Variants in KCNIP4 observed in about 807,000 individuals in gnomAD.
KCNIP4 encodes potassium voltage-gated channel interacting protein 4.
KCNIP4 carries 12 observed loss-of-function variants against 34.0 expected under a neutral mutation model. That is an observed-to-expected ratio of 0.35 (90% CI 0.23 to 0.57). The LOEUF (loss-of-function observed/expected upper bound fraction) is 0.57, where lower values mean the gene tolerates loss of function less well. Among genes scored for constraint, KCNIP4 ranks in the 20% least tolerant of loss-of-function variants. The pLI is 0.83. For missense variants in KCNIP4, 238 were observed against 311.7 expected (o/e 0.76, Z 1.78); for synonymous variants, 124 against 102.2 (o/e 1.21, Z -1.29).
chr4:21,396,117 A>G (rs34873725), intron 1 of KCNIP4, among the ~76,000 whole-genome samples: 30,324 of 149,716 alleles, frequency 0.2, 3,588 homozygotes, highest in Middle Eastern at 0.3. Context: ...TATAGTCTAT[A>G]TATACATATA....
At chr4:21,130,969 A>G (rs1751023209) in intron 1 of KCNIP4, among the ~76,000 whole-genome samples, 1 of 152,204 alleles carries the variant, frequency 6.6e-6, no homozygotes, top group Non-Finnish European at 1.5e-5. Context: ...AAGCCATTGT[A>G]AGTCCAGATG....
chr4:20,963,376 A>T (rs977678872), intron 1 of KCNIP4, among the ~76,000 whole-genome samples: 2 of 152,080 alleles, frequency 1.3e-5, no homozygotes, highest in Admixed American at 1.3e-4. Flanking sequence ...ATAATAAAAT[A>T]ACACACTATT....
chr4:21,370,884 T>C lies in KCNIP4; in HGVS notation c.62-488175A>G, dbSNP rs765061233. 9.5e-4 allele frequency among the ~76,000 whole-genome samples: 79 copies of C among 83,120 alleles called. 5 individuals are homozygous for C. Among genetic ancestry groups the C allele is most frequent in the Non-Finnish European group, 1.4e-3 (62 of 44,230 alleles). 54.5% of individuals were successfully genotyped at this position (83,120 alleles called of 152,430 possible). On this transcript the variant is annotated intron_variant, in intron 1 of 8. Coordinates refer to ENST00000382152, the MANE Select transcript of KCNIP4 (RefSeq NM_025221.6). ...ACACACACACACACACACACACACG[T>C]GTGTGTGTGTGTGTGTGTATTAGCA...
chr4:20,837,313 C>A (rs183979225), intron 3 of KCNIP4, among the ~76,000 whole-genome samples: 4 of 152,222 alleles, frequency 2.6e-5, no homozygotes, highest in Admixed American at 1.3e-4. Flanking sequence ...ACACACTCAG[C>A]CCAAATATAG....
chr4:21,686,231 A>T (rs1196703796), intron 1 of KCNIP4, among the ~76,000 whole-genome samples: 4 of 152,178 alleles, frequency 2.6e-5, no homozygotes. Context: ...TGAGCTCGGA[A>T]GATTTACTAC....
At chr4:20,855,156 G>T (rs772944055) in intron 2 of KCNIP4, among the ~76,000 whole-genome samples, 16 of 152,226 alleles carry the variant, frequency 1.1e-4, no homozygotes, top group Non-Finnish European at 1.6e-4. Flanking sequence ...GTAAGCACAA[G>T]TCTGGAGGAT....
intron 1 of KCNIP4, among the ~76,000 whole-genome samples, chr4:21,310,962 A>G (rs1343116715): frequency 5.3e-5 from 8 of 152,152 alleles, no homozygotes; most frequent in Admixed American, 3.9e-4. Flanking sequence ...GTGAAAAGAC[A>G]ATGAGCCGCA....
At chr4:21,275,052 T>C (rs1434404584) in intron 1 of KCNIP4, among the ~76,000 whole-genome samples, 1 of 152,200 alleles carries the variant, frequency 6.6e-6, no homozygotes, top group Non-Finnish European at 1.5e-5. Context: ...CTGGTGTTAA[T>C]ATTCAGATCC....
In KCNIP4 at chr4:21,594,884, C is replaced by T. The variant is rs115183243; in HGVS notation, c.61+353687G>A. Among the ~76,000 whole-genome samples, 265 of 151,894 alleles carry T rather than the reference C, an allele frequency of 1.7e-3. 2 individuals are homozygous for T. Among genetic ancestry groups the T allele is most frequent in the African/African-American group, 6.0e-3 (247 of 41,314 alleles). ...ATTTAGAATCAACATTTGGCACATT[C>T]CATTTGGAATATTATGTTGGTGCAA... On this transcript the variant is annotated intron_variant, in intron 1 of 8. Coordinates refer to ENST00000382152, the MANE Select transcript of KCNIP4 (RefSeq NM_025221.6).
chr4:21,557,718 C>G (rs1045888440), intron 1 of KCNIP4, among the ~76,000 whole-genome samples: 1 of 152,084 alleles, frequency 6.6e-6, no homozygotes, highest in Admixed American at 6.6e-5. Flanking sequence ...GCAGAATATC[C>G]TAGGCATTTG....
intron 1 of KCNIP4, among the ~76,000 whole-genome samples, chr4:21,360,620 C>A (rs1457839322): frequency 6.6e-6 from 1 of 151,852 alleles, no homozygotes; most frequent in Non-Finnish European, 1.5e-5. Context: ...AACAATGAAC[C>A]TTCTTCATGT....
chr4:21,513,533 C>T (rs1440732654), intron 1 of KCNIP4, among the ~76,000 whole-genome samples: 1 of 152,148 alleles, frequency 6.6e-6, no homozygotes, highest in Non-Finnish European at 1.5e-5. Context: ...AATCCTAGAT[C>T]TGCCTCTTAC....
At chr4:21,187,539 T>A (rs931711077) in intron 1 of KCNIP4, among the ~76,000 whole-genome samples, 3 of 152,152 alleles carry the variant, frequency 2.0e-5, no homozygotes, top group Admixed American at 6.5e-5. Context: ...TGCCCTCTGC[T>A]AGGAACAGAG....
At chr4:21,829,216 C>A (rs1722838302) in intron 1 of KCNIP4, among the ~76,000 whole-genome samples, 1 of 151,894 alleles carries the variant, frequency 6.6e-6, no homozygotes, top group African/African-American at 2.4e-5. Context: ...ACAAGAAACT[C>A]CTCTATTTAT....
intron 1 of KCNIP4, among the ~76,000 whole-genome samples, chr4:21,106,975 A>G (rs1748605833): frequency 1.3e-5 from 2 of 149,772 alleles, no homozygotes; most frequent in South Asian, 4.2e-4. Context: ...GTTTGTTATA[A>G]TTTCTGTTCT....
intron 1 of KCNIP4, among the ~76,000 whole-genome samples, chr4:21,099,790 A>G (rs1230244608): frequency 2.0e-5 from 3 of 152,174 alleles, no homozygotes; most frequent in African/African-American, 4.8e-5. Context: ...GAAGGTCAAA[A>G]TAACACTAAT....
intron 1 of KCNIP4, among the ~76,000 whole-genome samples, chr4:21,681,506 A>G (rs529916099): frequency 3.7e-4 from 56 of 152,304 alleles, no homozygotes; most frequent in Non-Finnish European, 7.3e-4. Flanking sequence ...CGGCTTCTAC[A>G]TCGGCACTTG....
chr4:20,817,075 G>T (rs1170738960), intron 3 of KCNIP4, among the ~76,000 whole-genome samples: 2 of 152,122 alleles, frequency 1.3e-5, no homozygotes, highest in Non-Finnish European at 2.9e-5. Flanking sequence ...TTAAGTCGAG[G>T]AATCTTTCTG....
chr4:20,939,927 C>T (rs1212695469), intron 1 of KCNIP4, among the ~76,000 whole-genome samples: 1 of 152,238 alleles, frequency 6.6e-6, no homozygotes, highest in African/African-American at 2.4e-5. Flanking sequence ...TAGCACCTAA[C>T]TTAGTTCTCA....
Sources: gnomAD v4.1 joint callset for allele counts (sites outside exome capture counted in the v4.1 genomes callset) on GRCh38, gnomAD v4.1.1 for gene constraint, MANE v1.5 for transcripts, NCBI Gene and HGNC (gene_info 2026-07-23, HGNC 2026-07-21) for gene names.